Variants in MGMT observed in about 807,000 individuals in gnomAD.
The protein encoded by MGMT is O-6-methylguanine-DNA methyltransferase.
A neutral mutation model predicts 15.9 loss-of-function variants in MGMT; 14 were observed. That is an observed-to-expected ratio of 0.88 (90% CI 0.58 to 1.37). MGMT has a LOEUF of 1.37. Ranked by LOEUF, MGMT falls within the 40% of genes most tolerant of loss-of-function variation. MGMT has a pLI of 0.00. For synonymous variants in MGMT, 130 were observed against 118.2 expected, an observed-to-expected ratio of 1.10 and a Z score of -0.65; for missense variants, 282 against 268.1, an observed-to-expected ratio of 1.05 and a Z score of -0.36.
chr10:129,743,125 C>T lies in MGMT; in HGVS notation c.275-16077C>T, dbSNP rs113462198. 6.4e-3 allele frequency among the ~76,000 whole-genome samples: 967 copies of T among 152,198 alleles called. 11 individuals carry two copies. Among genetic ancestry groups the T allele is most frequent in the African/African-American group, 0.022 (904 of 41,534 alleles). ...TGGTGGGCTGTTGGGTGGAGCGGGG[C>T]GGGTCGTTACTGATCTATCTGGAAT... On this transcript the variant is annotated intron_variant, in intron 3 of 4. Coordinates refer to ENST00000651593, the MANE Select transcript of MGMT (RefSeq NM_002412.5).
chr10:129,535,336 C>T (rs898033775), intron 1 of MGMT, among the ~76,000 whole-genome samples: 1 of 152,116 alleles, frequency 6.6e-6, no homozygotes, highest in Non-Finnish European at 1.5e-5. Flanking sequence ...TTCAAGACTG[C>T]AGTGAGCTAG....
At chr10:129,481,914 T>A (rs1845362374) in intron 1 of MGMT, among the ~76,000 whole-genome samples, 1 of 152,214 alleles carries the variant, frequency 6.6e-6, no homozygotes. Context: ...CTTACTGATT[T>A]CTCCTGTTTA....
intron 2 of MGMT, among the ~76,000 whole-genome samples, chr10:129,593,378 G>A (rs1041778262): frequency 3.9e-5 from 6 of 152,262 alleles, no homozygotes; most frequent in South Asian, 4.1e-4. Context: ...TGGGATGGGC[G>A]GTCCTCCCTC....
intron 1 of MGMT, among the ~76,000 whole-genome samples, chr10:129,523,410 C>CT (rs67327458): frequency 0.39 from 59,244 of 152,036 alleles, 12,752 homozygotes; most frequent in East Asian, 0.63. Context: ...TCCTAGTAAA[C>CT]TAAAGGAATC....
At chr10:129,674,364 G>A (rs1395424708) in intron 2 of MGMT, among the ~76,000 whole-genome samples, 6 of 152,154 alleles carry the variant, frequency 3.9e-5, no homozygotes, top group South Asian at 2.1e-4. Context: ...ACACGTTAGC[G>A]GTGGGAACTG....
intron 3 of MGMT, among the ~76,000 whole-genome samples, chr10:129,726,859 T>C (rs561597098): frequency 2.2e-4 from 34 of 152,194 alleles, no homozygotes; most frequent in Non-Finnish European, 4.1e-4. Context: ...CTCATGTCCT[T>C]TCTGTCACTA....
At chr10:129,737,274 C>T (rs1848574623) in intron 3 of MGMT, among the ~76,000 whole-genome samples, 1 of 152,082 alleles carries the variant, frequency 6.6e-6, no homozygotes, top group Non-Finnish European at 1.5e-5. Flanking sequence ...ATTCTTTTTT[C>T]TCTAAACTTC....
rs112165061 is a variant in MGMT at position 129,706,317 on chromosome 10, C to T, written c.126-1578C>T. The stretch of plus-strand genomic sequence containing the variant: ...GTTGGGACGGTGCTCCCGGCTGCAT[C>T]GGCCGCCTGTGCTGGGCCACATGTC... On this transcript the variant is annotated intron_variant, in intron 2 of 4. Coordinates refer to ENST00000651593, the MANE Select transcript of MGMT (RefSeq NM_002412.5). 6.8e-3 allele frequency among the ~76,000 whole-genome samples: 1,031 copies of T among 152,336 alleles called. 19 individuals carry two copies. The highest frequency in any genetic ancestry group is 0.023 in the African/African-American group (948 of 41,580).
chr10:129,498,372 C>T (rs1367753699), intron 1 of MGMT, among the ~76,000 whole-genome samples: 3 of 152,174 alleles, frequency 2.0e-5, no homozygotes, highest in Admixed American at 6.5e-5. Flanking sequence ...ATCTTAGTGA[C>T]CGTGGGTGTG....
rs901732083 is a variant in MGMT, at chr10:129,556,116, C to A, written c.125+19739C>A. 6.6e-6 allele frequency among the ~76,000 whole-genome samples: 1 copy of A among 152,140 alleles called. No individual in the cohort carries two copies. The highest frequency in any genetic ancestry group is 2.4e-5 in the African/African-American group (1 of 41,436). On this transcript the variant is annotated intron_variant, in intron 2 of 4. Coordinates refer to ENST00000651593, the MANE Select transcript of MGMT (RefSeq NM_002412.5). The surrounding 1 kb of genome is among the most constrained non-coding windows in gnomAD (Gnocchi z 4.3). ...GTTTTTGGTGACTCTTGCCTTGGACCCTGATGGCGCTGGGGGGTTTCATCG... is the reference window on the plus strand; with the variant it reads ...GTTTTTGGTGACTCTTGCCTTGGACACTGATGGCGCTGGGGGGTTTCATCG...
At chr10:129,595,627 G>A (rs536698677) in intron 2 of MGMT, among the ~76,000 whole-genome samples, 1 of 152,246 alleles carries the variant, frequency 6.6e-6, no homozygotes, top group East Asian at 1.9e-4. Context: ...TTCTTGGGGC[G>A]GGGCCCAGAG....
intron 2 of MGMT, among the ~76,000 whole-genome samples, chr10:129,639,491 G>A (rs1173844501): frequency 6.6e-6 from 1 of 152,172 alleles, no homozygotes; most frequent in Non-Finnish European, 1.5e-5. Flanking sequence ...AATTTGAACA[G>A]CATTATCTAC....
chr10:129,604,306 A>T (rs2133063576), intron 2 of MGMT, among the ~76,000 whole-genome samples: 1 of 152,336 alleles, frequency 6.6e-6, no homozygotes. Context: ...CAGAGAGCCT[A>T]GCACTTAATT....
At chr10:129,670,757 A>G (rs988088982) in intron 2 of MGMT, among the ~76,000 whole-genome samples, 3 of 152,238 alleles carry the variant, frequency 2.0e-5, no homozygotes, top group African/African-American at 4.8e-5. Context: ...CAAAATGGAC[A>G]GAATCATTGA....
At chr10:129,646,785 A>G (rs1055553528) in intron 2 of MGMT, among the ~76,000 whole-genome samples, 14 of 127,844 alleles carry the variant, frequency 1.1e-4, no homozygotes, top group African/African-American at 3.7e-4. Flanking sequence ...ACAGTGGAGA[A>G]GTAGATGCTT....
At chr10:129,574,179 A>G (rs949280200) in intron 2 of MGMT, among the ~76,000 whole-genome samples, 1 of 152,230 alleles carries the variant, frequency 6.6e-6, no homozygotes, top group African/African-American at 2.4e-5. Context: ...AAATAGTTTG[A>G]GCCTCACCTA....
intron 1 of MGMT, among the ~76,000 whole-genome samples, chr10:129,524,548 A>G (rs1845847584): frequency 6.6e-6 from 1 of 151,162 alleles, no homozygotes; most frequent in African/African-American, 2.4e-5. Flanking sequence ...TCTTAAAGAA[A>G]CAGATGATAG....
chr10:129,726,004 C>T (rs1167982323), intron 3 of MGMT, among the ~76,000 whole-genome samples: 5 of 152,110 alleles, frequency 3.3e-5, no homozygotes, highest in African/African-American at 7.2e-5. Flanking sequence ...TCTCACAGAA[C>T]GAGCCTTGGG....
At chr10:129,549,447 A>C (rs1433413252) in intron 2 of MGMT, among the ~76,000 whole-genome samples, 1 of 152,216 alleles carries the variant, frequency 6.6e-6, no homozygotes, top group Non-Finnish European at 1.5e-5. Context: ...GAGGGCGAGA[A>C]GAATGTTCAG....
Sources: gnomAD v4.1 joint callset for allele counts (sites outside exome capture counted in the v4.1 genomes callset) on GRCh38, gnomAD v4.1.1 for gene constraint, Gnocchi (gnomAD v3.1) non-coding constraint, MANE v1.5 for transcripts, NCBI Gene and HGNC (gene_info 2026-07-23, HGNC 2026-07-21) for gene names.